EXOC6: variants seen among roughly 807,000 people sequenced by gnomAD.
EXOC6 encodes SEC15-like 1.
In EXOC6, 60 loss-of-function variants were observed where a neutral mutation model predicts 112.5. The observed-to-expected ratio is 0.53, with a 90% CI of 0.43 to 0.66. The LOEUF (loss-of-function observed/expected upper bound fraction) is 0.66, where lower values mean the gene tolerates loss of function less well. EXOC6 is among the 30% of genes least tolerant of loss of function. The pLI, the probability that EXOC6 is intolerant of heterozygous loss-of-function variation, is 0.00. For missense variants in EXOC6, 855 were observed against 957.1 expected, an observed-to-expected ratio of 0.89 and a Z score of 1.41; for synonymous variants, 295 against 308.0, an observed-to-expected ratio of 0.96 and a Z score of 0.44.
chr10:92,959,040 G>A lies in EXOC6; in HGVS notation c.1773+3326G>A, dbSNP rs1166997179. On this transcript the variant is annotated intron_variant, in intron 17 of 21. Transcript: ENST00000260762. Reference sequence around the variant, plus strand: ...ACCCGGGAGGTAGAGGTTGCAGTGAGCCGAGATCATACCACTGCACTCCAG... The same window carrying A: ...ACCCGGGAGGTAGAGGTTGCAGTGAACCGAGATCATACCACTGCACTCCAG... Among the ~76,000 whole-genome samples the A allele has an allele frequency of 3.3e-5, 5 of 151,990 alleles. No individual in the cohort carries two copies. In the East Asian group the frequency reaches 7.7e-4, roughly 23 times the overall value.
intron 7 of EXOC6, among the ~76,000 whole-genome samples, chr10:92,917,713 A>C (rs1020242929): frequency 9.2e-5 from 14 of 152,014 alleles, no homozygotes; most frequent in African/African-American, 3.4e-4. Context: ...AAAATTTCTT[A>C]TAGAGACAGA....
At chr10:93,054,226 T>C (rs1846441769) in intron 20 of EXOC6, among the ~76,000 whole-genome samples, 1 of 152,220 alleles carries the variant, frequency 6.6e-6, no homozygotes, top group South Asian at 2.1e-4. Context: ...AGAGATTTTG[T>C]CTTGTTCCAA....
At chr10:92,848,360 G>A (rs1306666822), upstream of EXOC6, 11 of 261,140 alleles carry the variant, frequency 4.2e-5, no homozygotes, top group East Asian at 8.7e-4. Context: ...CACTCCTGCA[G>A]GTGCGGGGGC....
intron 20 of EXOC6, among the ~76,000 whole-genome samples, chr10:93,034,282 C>T (rs921057188): frequency 6.6e-6 from 1 of 152,196 alleles, no homozygotes; most frequent in Non-Finnish European, 1.5e-5. Context: ...AGGTTCATAT[C>T]ATAGGTGAAC....
chr10:92,965,268 A>G (rs1841998345), intron 17 of EXOC6, among the ~76,000 whole-genome samples: 1 of 152,194 alleles, frequency 6.6e-6, no homozygotes, highest in Non-Finnish European at 1.5e-5. Flanking sequence ...GAATTTGTGC[A>G]TGTATATGTT....
At chr10:92,881,114 C>T (rs979592219) in intron 1 of EXOC6, among the ~76,000 whole-genome samples, 16 of 152,140 alleles carry the variant, frequency 1.1e-4, no homozygotes, top group African/African-American at 3.9e-4. Context: ...GCCAAGATGG[C>T]TCGCCCACAT....
At chr10:92,986,839 A>AT (rs1843030325) in intron 18 of EXOC6, among the ~76,000 whole-genome samples, 1 of 152,106 alleles carries the variant, frequency 6.6e-6, no homozygotes, top group Non-Finnish European at 1.5e-5. Flanking sequence ...TTTTTAAGGA[A>AT]TAAGCCAGTA....
At chr10:92,869,533 C>A (rs1414511457) in intron 1 of EXOC6, among the ~76,000 whole-genome samples, 2 of 152,140 alleles carry the variant, frequency 1.3e-5, no homozygotes, top group African/African-American at 2.4e-5. Context: ...TGGTCTCAAA[C>A]TCCTCACCTC....
At chr10:92,827,924 G>A (rs1294484863) in intron 1 of EXOC6, among the ~76,000 whole-genome samples, 3 of 152,114 alleles carry the variant, frequency 2.0e-5, no homozygotes, top group Non-Finnish European at 4.4e-5. Context: ...TTGTGACTCT[G>A]TTGGCACTTT....
At position 93,024,523 on chromosome 10, in the gene EXOC6, C is replaced by T. The variant is rs771667258; in HGVS notation, c.2169+10256C>T. Among the ~76,000 whole-genome samples, 6 of 152,120 alleles carry T rather than the reference C, an allele frequency of 3.9e-5. No individual in the cohort carries two copies. In the East Asian group the frequency reaches 5.8e-4, roughly 15 times the overall value. ...CTTGGCTCACTGCAACCTCTGCCTC[C>T]GGGGTTCGAGCGATTTTCCTACCTC... is the stretch of plus-strand genomic sequence containing the variant. On this transcript the variant is annotated intron_variant, in intron 20 of 21. Transcript: ENST00000260762.
At chr10:93,036,991 A>G (rs889023258) in intron 20 of EXOC6, among the ~76,000 whole-genome samples, 2 of 152,176 alleles carry the variant, frequency 1.3e-5, no homozygotes, top group Non-Finnish European at 2.9e-5. Context: ...CAGTTTGTCA[A>G]CTATGGAGGG....
At chr10:92,923,754 G>C (rs533248073) in intron 8 of EXOC6, among the ~76,000 whole-genome samples, 1 of 152,282 alleles carries the variant, frequency 6.6e-6, no homozygotes, top group African/African-American at 2.4e-5. Context: ...ATGAACTCAG[G>C]TGCATTGTGG....
chr10:92,860,265 C>CTTTTTTTTTTTTT (rs35900396), intron 1 of EXOC6, among the ~76,000 whole-genome samples: 1 of 88,000 alleles, frequency 1.1e-5, no homozygotes, highest in Non-Finnish European at 2.1e-5. Context: ...ATCTCCACAA[C>CTTTTTTTTTTTTT]TTTTTTTTTT....
chr10:92,875,085 A>G (rs2422072), intron 1 of EXOC6, among the ~76,000 whole-genome samples: 113,861 of 152,040 alleles, frequency 0.75, 43,445 homozygotes, highest in East Asian at 1. Context: ...TTTGATTATA[A>G]TTAGAGAGGA....
At chr10:92,960,758 A>G (rs1853946287) in intron 17 of EXOC6, among the ~76,000 whole-genome samples, 2 of 152,034 alleles carry the variant, frequency 1.3e-5, no homozygotes, top group Non-Finnish European at 2.9e-5. Context: ...TCTGGGTTCT[A>G]TTTAAATGAA....
chr10:92,929,951 A>G lies in EXOC6; in HGVS notation c.972+1529A>G, dbSNP rs1396909523. 5.9e-5 allele frequency among the ~76,000 whole-genome samples: 9 copies of G among 152,248 alleles called. No individual in the cohort carries two copies. The South Asian group carries it at 1.9e-3, about 31-fold the overall frequency. ...GAATTTTCTGGGACAGATGAGAAAT[A>G]GAAATCCACAGAGTCAAGTCCAAGG... On this transcript the variant is annotated intron_variant, in intron 9 of 21. Coordinates refer to ENST00000260762, the MANE Select transcript of EXOC6 (RefSeq NM_019053.6).
chr10:93,011,285 C>G (rs1324783433), intron 19 of EXOC6, among the ~76,000 whole-genome samples: 1 of 150,512 alleles, frequency 6.6e-6, no homozygotes, highest in African/African-American at 2.4e-5. Flanking sequence ...AAGACAAGAT[C>G]TTGCTTTGTC....
At chr10:92,834,129 T>C (rs747297784), upstream of EXOC6, among the ~76,000 whole-genome samples, 1 of 152,096 alleles carries the variant, frequency 6.6e-6, no homozygotes, top group African/African-American at 2.4e-5. Context: ...ATGGAGGAAA[T>C]TGACACAGCA....
intron 17 of EXOC6, among the ~76,000 whole-genome samples, chr10:92,964,890 T>C (rs999516080): frequency 6.6e-6 from 1 of 152,188 alleles, no homozygotes; most frequent in Admixed American, 6.5e-5. Context: ...CTAGGCTGTC[T>C]CAGTCTGGTA....
Sources: allele counts gnomAD v4.1 joint callset (sites outside exome capture counted in the v4.1 genomes callset), GRCh38; gene constraint gnomAD v4.1.1; transcripts MANE v1.5; gene names NCBI Gene and HGNC (gene_info 2026-07-23, HGNC 2026-07-21).